Variants in PRPF19 observed in about 807,000 individuals in gnomAD.
The protein encoded by PRPF19 is pre-mRNA-processing factor 19.
PRPF19 carries 2 observed loss-of-function variants against 64.2 expected under a neutral mutation model. That is an observed-to-expected ratio of 0.03 (90% CI 0.01 to 0.10). The LOEUF is 0.10. Ranked by LOEUF, PRPF19 falls within the 10% of genes least tolerant of loss-of-function variation. The pLI, the probability that PRPF19 is intolerant of heterozygous loss-of-function variation, is 1.00. For missense variants in PRPF19, 314 were observed against 650.0 expected (o/e 0.48, Z 5.62); for synonymous variants, 226 against 251.6 (o/e 0.90, Z 0.96).
chr11:60,906,094 G>T (rs1270999247), intron 1 of PRPF19, among the ~76,000 whole-genome samples: 1 of 152,242 alleles, frequency 6.6e-6, no homozygotes, highest in Non-Finnish European at 1.5e-5. Context: ...AGCTCTCTCT[G>T]TCCAGACCTG....
Position 60,904,276 on chromosome 11 carries a change from C to G in PRPF19, c.20-415G>C, listed in dbSNP as rs188507354. ...CTGCCATCCATCTTAGTCTATAGCT[C>G]CAGACAGATTATCAAAGAAATTATA... On this transcript the variant is annotated intron_variant, in intron 1 of 15. Transcript: ENST00000227524. 1.1e-4 allele frequency among the ~76,000 whole-genome samples: 16 copies of G among 152,288 alleles called. No individual in the cohort carries two copies. In the East Asian group the frequency reaches 3.1e-3, roughly 29 times the overall value.
chr11:60,901,582 A>G lies in PRPF19; in HGVS notation c.526-42T>C, dbSNP rs766034750. 5.0e-6 allele frequency: 8 copies of G among 1,611,242 alleles called. No individual in the cohort carries two copies. The East Asian group carries it at 1.3e-4, about 27-fold the overall frequency. ...TCAATGTGAGACAAATCATCTTGCA[A>G]GGAGAAAAGTACATTAGATGCTGGT... On this transcript the variant is annotated intron_variant, in intron 6 of 15. Transcript: ENST00000227524.
chr11:60,891,330 A>G, intron 15 of PRPF19, 67 bp from the exon 16 acceptor site: 1 of 1,179,524 alleles, frequency 8.5e-7, no homozygotes, highest in African/African-American at 1.5e-5. Flanking sequence ...ACTGATCCCT[A>G]ATAACAGATT....
Position 60,898,328 on chromosome 11 carries a change from T to C in PRPF19, c.1141-57A>G, listed in dbSNP as rs576847358. 3.8e-6 allele frequency: 6 copies of C among 1,584,842 alleles called. No homozygotes were observed. The African/African-American group carries it at 6.8e-5, about 18-fold the overall frequency. Reference sequence around the variant, plus strand: ...CCCACAGATCATGAGAGGAAGAAAATGGGGCTCACCAAACTCCTACCTGAG... The same window carrying C: ...CCCACAGATCATGAGAGGAAGAAAACGGGGCTCACCAAACTCCTACCTGAG... On this transcript the variant is annotated intron_variant, in intron 13 of 15. Transcript: ENST00000227524. The surrounding 1 kb of genome is among the most constrained non-coding windows in gnomAD (Gnocchi z 4.6).
In PRPF19 at chr11:60,902,937, T is replaced by A. The variant is rs951821269; in HGVS notation, c.247-56A>T. Reference sequence around the variant, plus strand: ...GGTGGGGGGTGCAGGGAGTACCCAGTGGAGTCAGCCCTTGGGGAGGGGATG... The same window carrying A: ...GGTGGGGGGTGCAGGGAGTACCCAGAGGAGTCAGCCCTTGGGGAGGGGATG... On this transcript the variant is annotated intron_variant, in intron 3 of 15. Transcript: ENST00000227524. The surrounding 1 kb of genome is among the most constrained non-coding windows in gnomAD (Gnocchi z 5.0). 5.0e-6 allele frequency: 8 copies of A among 1,588,704 alleles called. No individual in the cohort carries two copies. The South Asian group carries it at 8.9e-5, about 18-fold the overall frequency.
In PRPF19 at chr11:60,902,833, T is replaced by C. The variant is rs1456242921; in HGVS notation, c.295A>G (p.Thr99Ala). The C allele has an allele frequency of 1.2e-6, 2 of 1,613,802 alleles. No homozygotes were observed. Among genetic ancestry groups the C allele is most frequent in the African/African-American group, 2.7e-5 (2 of 74,862 alleles). The stretch of plus-strand genomic sequence containing the variant: ...AGAGCGTGTGACAGCTCTTGGCGGG[T>C]TGTCTGCAGCTGCTGGCGCAGAGTG... Reference protein sequence around the residue: ...SFTLRQQLQTTRQELSHALYQ... With the variant: ...SFTLRQQLQTARQELSHALYQ... Residue 99 changes from threonine (T) to alanine (A), a missense_variant, in exon 4 of 16, where the codon ACC becomes GCC. Thr to Ala is a moderately conservative substitution (Grantham distance 58). Transcript: ENST00000227524. The surrounding 1 kb of genome is among the most constrained non-coding windows in gnomAD (Gnocchi z 5.0).
Position 60,901,376 on chromosome 11 carries a change from A to C in PRPF19, c.568-7T>G, listed in dbSNP as rs1855982674. The C allele has an allele frequency of 1.2e-6, 2 of 1,614,198 alleles. No individual in the cohort carries two copies. The highest frequency in any genetic ancestry group is 1.7e-6 in the Non-Finnish European group (2 of 1,180,030). On this transcript the variant is annotated splice_region_variant and splice_polypyrimidine_tract_variant and intron_variant, in intron 7 of 15. Transcript: ENST00000227524. ...CAGGCACAGTCTTCCCTCTCTGAGA[A>C]AATGAAAAGCCCCCAAAGAAGAGCA...
rs1008492045 is a variant in PRPF19 at position 60,900,978 on chromosome 11, C to G, written c.643-49G>C. On this transcript the variant is annotated intron_variant, in intron 8 of 15. Coordinates refer to ENST00000227524, the MANE Select transcript of PRPF19 (RefSeq NM_014502.5). ...CCTGTCACGGCCAAATCACAGCAGG[C>G]CACAAAGCCACAGACCTCCCCTACT... The G allele has an allele frequency of 2.5e-6, 4 of 1,596,864 alleles. No individual in the cohort carries two copies. The African/African-American group carries it at 5.4e-5, about 21-fold the overall frequency.
chr11:60,903,642 A>G (rs1856010162), intron 2 of PRPF19, 70 bp downstream of exon 2: 2 of 1,579,956 alleles, frequency 1.3e-6, no homozygotes, highest in Non-Finnish European at 1.7e-6. Flanking sequence ...CCTCCAGTGC[A>G]CTGGCACCAC....
Position 60,898,937 on chromosome 11 carries a change from GAA to G in PRPF19, c.985-8_985-7del, listed in dbSNP as rs771605198. The G allele has an allele frequency of 4.5e-6, 7 of 1,566,448 alleles. No individual in the cohort carries two copies. In the East Asian group the frequency reaches 9.2e-5, roughly 20 times the overall value. On this transcript the variant is annotated splice_polypyrimidine_tract_variant and splice_region_variant and intron_variant, in intron 11 of 15. Transcript: ENST00000227524. This position sits in a 1 kb window ranked among gnomAD's most constrained non-coding sequence, Gnocchi z 4.6. ...ATGTCAGAGAAAGCCCAGTACTGGG[GAA>G]AAAAAAAGAGACAATGGAGTCAGTG...
intron 15 of PRPF19, among the ~76,000 whole-genome samples, chr11:60,897,040 T>C (rs1399338326): frequency 2.0e-5 from 3 of 152,370 alleles, no homozygotes; most frequent in Middle Eastern, 3.4e-3. Flanking sequence ...ACTGTGTTTA[T>C]AAAGTCTACA....
Position 60,891,086 on chromosome 11 carries a change from T to TC in PRPF19, c.*79_*80insG. 3 of 65,548 alleles carry TC rather than the reference T, an allele frequency of 4.6e-5. No individual in the cohort carries two copies. The highest frequency in any genetic ancestry group is 6.0e-5 in the Non-Finnish European group (2 of 33,204). The allele number at this position is 65,548 out of a possible 1,614,324, so 4.1% of individuals were successfully genotyped here. On this transcript the variant is annotated 3_prime_UTR_variant, in exon 16 of 16. Coordinates refer to ENST00000227524, the MANE Select transcript of PRPF19 (RefSeq NM_014502.5). Reference sequence around the variant, plus strand: ...CCACAGAGCCCCCTCCCCCCATAGATTCCCCCCACCCCCCCCCCCAAACCC... The same window carrying TC: ...CCACAGAGCCCCCTCCCCCCATAGATCTCCCCCCACCCCCCCCCCCAAACCC...
intron 15 of PRPF19, 53 bp from the exon 16 acceptor site, chr11:60,891,316 G>A: frequency 7.6e-7 from 1 of 1,307,698 alleles, no homozygotes; most frequent in Non-Finnish European, 1.1e-6. Context: ...CCTTTAGTCT[G>A]AACACTGATC....
At position 60,906,501 on chromosome 11, in the gene PRPF19, C is replaced by A; in HGVS notation, c.-119G>T. 3.5e-6 allele frequency: 4 copies of A among 1,136,332 alleles called. No homozygotes were observed. The highest frequency in any genetic ancestry group is 3.7e-6 in the Non-Finnish European group (3 of 803,736). 70.4% of individuals were successfully genotyped at this position (1,136,332 alleles called of 1,614,324 possible). A position where few individuals can be genotyped will look rare whatever the true frequency, so the allele number is the denominator to read the frequency against. ...GGACTGCTCCGCGGCGAGCTGGGAG[C>A]CGCCAGCCGAGCGATGCTAGCGTAG... On this transcript the variant is annotated 5_prime_UTR_variant, in exon 1 of 16. Transcript: ENST00000227524.
At position 60,902,274 on chromosome 11, in the gene PRPF19, G is replaced by T; in HGVS notation, c.525+129C>A. On this transcript the variant is annotated intron_variant, in intron 6 of 15. Coordinates refer to ENST00000227524, the MANE Select transcript of PRPF19 (RefSeq NM_014502.5). This position sits in a 1 kb window ranked among gnomAD's most constrained non-coding sequence, Gnocchi z 5.0. ...ATCAAAATACAAACCCAGGCAATCT[G>T]GTCCCAGGGTCCATGCTCTGCACCA... is the stretch of plus-strand genomic sequence containing the variant. 9.8e-7 allele frequency: 1 copy of T among 1,020,460 alleles called. No individual in the cohort carries two copies. Among genetic ancestry groups the T allele is most frequent in the South Asian group, 1.5e-5 (1 of 65,218 alleles). 63.2% of individuals were successfully genotyped at this position (1,020,460 alleles called of 1,614,324 possible). A position where few individuals can be genotyped will look rare whatever the true frequency, so the allele number is the denominator to read the frequency against.
chr11:60,904,380 T>C (rs1259997643), intron 1 of PRPF19, among the ~76,000 whole-genome samples: 1 of 152,226 alleles, frequency 6.6e-6, no homozygotes, highest in African/African-American at 2.4e-5. Flanking sequence ...ACCTCAGATG[T>C]GACCATCTGG....
intron 15 of PRPF19, among the ~76,000 whole-genome samples, chr11:60,893,913 C>T (rs897220675): frequency 1.3e-5 from 2 of 151,628 alleles, no homozygotes; most frequent in Non-Finnish European, 2.9e-5. Flanking sequence ...AGCAAGACTC[C>T]ATCTCAAAAA....
At chr11:60,901,575 T>G in intron 6 of PRPF19, 35 bp from the exon 7 acceptor site, 1 of 1,612,642 alleles carries the variant, frequency 6.2e-7, no homozygotes, top group Admixed American at 1.7e-5. Context: ...AGACAAATCA[T>G]CTTGCAAGGA....
In PRPF19 at chr11:60,898,452, C is replaced by T; in HGVS notation, c.1140+89G>A. 1 of 1,591,920 alleles carries T rather than the reference C, an allele frequency of 6.3e-7. No individual in the cohort carries two copies. The highest frequency in any genetic ancestry group is 8.6e-7 in the Non-Finnish European group (1 of 1,166,640). ...AGCCAGTGTCTCTCCACCTTCAGGG[C>T]CAGGTGCCACAAGCACCTAATTAGC... On this transcript the variant is annotated intron_variant, in intron 13 of 15. Transcript: ENST00000227524. This position sits in a 1 kb window ranked among gnomAD's most constrained non-coding sequence, Gnocchi z 4.6.
Sources: allele counts gnomAD v4.1 joint callset (sites outside exome capture counted in the v4.1 genomes callset), GRCh38; gene constraint gnomAD v4.1.1; non-coding constraint Gnocchi (gnomAD v3.1); transcripts MANE v1.5; gene names NCBI Gene and HGNC (gene_info 2026-07-23, HGNC 2026-07-21).